The following CACNA2D3 variants were observed in gnomAD, a reference collection of about 807,000 sequenced individuals.
CACNA2D3 encodes the protein voltage-dependent calcium channel subunit alpha-2/delta-3.
In CACNA2D3, 60 loss-of-function variants were observed where a neutral mutation model predicts 160.6. The observed-to-expected ratio is 0.37, with a 90% confidence interval of 0.30 to 0.46. CACNA2D3 has a LOEUF of 0.46. Among genes scored for constraint, CACNA2D3 ranks in the 20% least tolerant of loss-of-function variants. The pLI is 1.00. For synonymous variants in CACNA2D3, 558 were observed against 492.9 expected, an observed-to-expected ratio of 1.13 and a Z score of -1.75; for missense variants, 1,205 against 1,365.0, an observed-to-expected ratio of 0.88 and a Z score of 1.85.
chr3:54,133,990 G>C (rs1699767999), intron 2 of CACNA2D3, among the ~76,000 whole-genome samples: 1 of 152,190 alleles, frequency 6.6e-6, no homozygotes, highest in African/African-American at 2.4e-5. Context: ...GCACAGAACT[G>C]TACACCCAGG....
intron 35 of CACNA2D3, among the ~76,000 whole-genome samples, chr3:55,033,621 C>A (rs1703726509): frequency 1.5e-5 from 2 of 136,092 alleles, no homozygotes; most frequent in South Asian, 2.3e-4. Flanking sequence ...CTTGAAGTAT[C>A]TGAAATGTGT....
intron 2 of CACNA2D3, among the ~76,000 whole-genome samples, chr3:54,125,434 T>TA (rs1441386584): frequency 6.6e-6 from 1 of 152,218 alleles, no homozygotes; most frequent in African/African-American, 2.4e-5. Context: ...ATTGTGTAAT[T>TA]ATTTCCAGCT....
intron 2 of CACNA2D3, among the ~76,000 whole-genome samples, chr3:54,247,795 A>G (rs1229370004): frequency 1.3e-5 from 2 of 152,194 alleles, no homozygotes; most frequent in Non-Finnish European, 2.9e-5. Context: ...TTGGGATGTC[A>G]CATCTGAGAA....
rs1559860084 is a variant in CACNA2D3 at position 54,141,088 on chromosome 3, C to CGTGT, written c.204+17495_204+17496insTGTG. ...GTGTGTGTGTGTGTGTGTGTGTGTG[C>CGTGT]GCGCGCGCGCGTGTGTGCATGCATG... On this transcript the variant is annotated intron_variant, in intron 2 of 37. Transcript: ENST00000474759. Among the ~76,000 whole-genome samples the CGTGT allele has an allele frequency of 4.1e-5, 5 of 120,558 alleles. No homozygotes were observed. The South Asian group carries it at 1.5e-3, about 35-fold the overall frequency. The allele number at this position is 120,558 out of a possible 152,430, so 79.1% of individuals were successfully genotyped here. A position where few individuals can be genotyped will look rare whatever the true frequency, so the allele number is the denominator to read the frequency against.
intron 35 of CACNA2D3, among the ~76,000 whole-genome samples, chr3:55,041,646 A>C (rs1288793852): frequency 6.6e-6 from 1 of 151,990 alleles, no homozygotes; most frequent in Admixed American, 6.6e-5. Context: ...AAATATGTCC[A>C]TATTGTTCAC....
intron 27 of CACNA2D3, chr3:54,927,919 T>C (rs1159394087): frequency 1.2e-6 from 2 of 1,613,472 alleles, no homozygotes; most frequent in Non-Finnish European, 1.7e-6. Context: ...CATGACTGAG[T>C]CTCCTTGGGC....
At chr3:54,969,719 T>C in intron 28 of CACNA2D3, 81 bp from the exon 29 acceptor site, 1 of 1,157,490 alleles carries the variant, frequency 8.6e-7, no homozygotes, top group South Asian at 1.3e-5. Flanking sequence ...TGTCCTTAAG[T>C]AGCTCAGTGG....
intron 11 of CACNA2D3, among the ~76,000 whole-genome samples, chr3:54,700,886 G>A (rs976630401): frequency 2.0e-5 from 3 of 152,138 alleles, no homozygotes; most frequent in Non-Finnish European, 4.4e-5. Flanking sequence ...GTGAAAAAAC[G>A]AAGACCTAAC....
At position 54,896,745 on chromosome 3, in the gene CACNA2D3, C is replaced by T; in HGVS notation, c.2247-4C>T. On this transcript the variant is annotated splice_region_variant and splice_polypyrimidine_tract_variant and intron_variant, in intron 25 of 37. Coordinates refer to ENST00000474759, the MANE Select transcript of CACNA2D3 (RefSeq NM_018398.3). ...ATGTTCTTCTGATTCTTTTCCACTT[C>T]AAGGGACTTCCTGAAAGCTGGCGAC... The T allele has an allele frequency of 6.2e-7, 1 of 1,613,988 alleles. No homozygotes were observed. Among genetic ancestry groups the T allele is most frequent in the Non-Finnish European group, 8.5e-7 (1 of 1,179,862 alleles).
At chr3:54,621,771 G>A (rs1698992581) in intron 9 of CACNA2D3, among the ~76,000 whole-genome samples, 1 of 152,156 alleles carries the variant, frequency 6.6e-6, no homozygotes, top group Non-Finnish European at 1.5e-5. Context: ...GCCCTCGAAA[G>A]GCAAAATAAT....
At chr3:54,426,907 A>G (rs1261823438) in intron 4 of CACNA2D3, among the ~76,000 whole-genome samples, 2 of 152,146 alleles carry the variant, frequency 1.3e-5, no homozygotes, top group African/African-American at 2.4e-5. Flanking sequence ...TTCAAAGATA[A>G]TATGCTGTTA....
chr3:54,477,818 C>T (rs563787637), intron 4 of CACNA2D3, among the ~76,000 whole-genome samples: 1 of 152,232 alleles, frequency 6.6e-6, no homozygotes, highest in Admixed American at 6.5e-5. Context: ...TTGGTGGATC[C>T]TCAGTCCATG....
At chr3:54,137,887 A>C (rs1389756453) in intron 2 of CACNA2D3, among the ~76,000 whole-genome samples, 1 of 152,210 alleles carries the variant, frequency 6.6e-6, no homozygotes, top group African/African-American at 2.4e-5. Context: ...TCTAAATGTT[A>C]CCGGGGTAAA....
chr3:54,826,694 C>T (rs1363631500), intron 14 of CACNA2D3, among the ~76,000 whole-genome samples: 1 of 152,130 alleles, frequency 6.6e-6, no homozygotes, highest in East Asian at 1.9e-4. Flanking sequence ...TGCATCCTTC[C>T]TAATCTCCTT....
At chr3:55,071,302 A>G (rs542629152) in intron 35 of CACNA2D3, among the ~76,000 whole-genome samples, 2 of 152,270 alleles carry the variant, frequency 1.3e-5, no homozygotes, top group Admixed American at 1.3e-4. Flanking sequence ...TGCCCTTTTA[A>G]TATGTGAATC....
chr3:54,565,941 G>A (rs77348493), intron 6 of CACNA2D3, among the ~76,000 whole-genome samples: 3,290 of 152,208 alleles, frequency 0.022, 123 homozygotes, highest in African/African-American at 0.076. Context: ...CATTTGTTTT[G>A]TCCATTACTC....
chr3:55,032,575 C>T (rs964922679), intron 35 of CACNA2D3, among the ~76,000 whole-genome samples: 4 of 152,108 alleles, frequency 2.6e-5, no homozygotes, highest in Non-Finnish European at 4.4e-5. Flanking sequence ...CTGGCTTTGG[C>T]GTCATGAAGA....
chr3:54,646,239 C>T (rs1003029130), intron 11 of CACNA2D3, among the ~76,000 whole-genome samples: 14 of 135,452 alleles, frequency 1.0e-4, no homozygotes, highest in Non-Finnish European at 1.6e-4. Context: ...TCCTTCCTTC[C>T]TTCCTTCCTC....
chr3:54,476,678 T>C (rs925936901), intron 4 of CACNA2D3, among the ~76,000 whole-genome samples: 9 of 152,340 alleles, frequency 5.9e-5, no homozygotes, highest in South Asian at 2.1e-4. Context: ...CACCTTTCCA[T>C]ATACCTGATG....
Sources: allele counts gnomAD v4.1 joint callset (sites outside exome capture counted in the v4.1 genomes callset), GRCh38; gene constraint gnomAD v4.1.1; transcripts MANE v1.5; gene names NCBI Gene and HGNC (gene_info 2026-07-23, HGNC 2026-07-21).